The following CLVS1 variants were observed in gnomAD, a reference collection of about 807,000 sequenced individuals.
CLVS1 encodes the protein clavesin-1.
In CLVS1, 10 loss-of-function variants were observed where a neutral mutation model predicts 33.1. The ratio of observed to expected loss-of-function variants is 0.30; its 90% CI spans 0.19 to 0.51. The LOEUF is 0.51. Ranked by LOEUF, CLVS1 falls within the 20% of genes least tolerant of loss-of-function variation. The probability of loss-of-function intolerance (pLI) is 0.97; values close to 1 mark genes in which losing one functional copy is unlikely to be tolerated. For synonymous variants in CLVS1, 163 were observed against 166.1 expected (o/e 0.98, Z 0.14); for missense variants, 343 against 433.4 (o/e 0.79, Z 1.85).
chr8:61,039,066 A>T, the CLVS1 span, among the ~76,000 whole-genome samples: 1 of 151,904 alleles, frequency 6.6e-6, no homozygotes, highest in African/African-American at 2.4e-5. Flanking sequence ...CATAATGCTA[A>T]CTCAGTGCCG....
chr8:61,448,603 C>T lies in CLVS1; in HGVS notation c.631-5538C>T, dbSNP rs566094412. Reference sequence around the variant, plus strand: ...TTGAAATTTCCAGATGAGCCAGGCACAGTGGCTCATGCCTGTAATCCCAGG... The same window carrying T: ...TTGAAATTTCCAGATGAGCCAGGCATAGTGGCTCATGCCTGTAATCCCAGG... On this transcript the variant is annotated intron_variant, in intron 3 of 5. Coordinates refer to ENST00000325897, the MANE Select transcript of CLVS1 (RefSeq NM_173519.3). Among the ~76,000 whole-genome samples the T allele has an allele frequency of 7.0e-4, 106 of 151,796 alleles. 1 individual carries two copies. In the South Asian group the frequency reaches 0.011, roughly 16 times the overall value.
intron 2 of CLVS1, among the ~76,000 whole-genome samples, chr8:61,282,313 G>A (rs1042574243): frequency 1.3e-5 from 2 of 152,204 alleles, no homozygotes; most frequent in Non-Finnish European, 2.9e-5. Context: ...GAGGGATCAT[G>A]AGGTAGAGGG....
At chr8:61,082,978 C>A (rs1209360651) in intron 1 of CLVS1, among the ~76,000 whole-genome samples, 1 of 84,816 alleles carries the variant, frequency 1.2e-5, no homozygotes, top group East Asian at 3.4e-4. Flanking sequence ...GAGAAAGACC[C>A]TGTCTTAAAC....
At chr8:61,074,410 T>C (rs948816566) in intron 1 of CLVS1, among the ~76,000 whole-genome samples, 1 of 144,558 alleles carries the variant, frequency 6.9e-6, no homozygotes, top group Admixed American at 7.0e-5. Context: ...TATATATATA[T>C]AAGTATATGT....
At chr8:61,439,013 G>A (rs1009422598) in intron 3 of CLVS1, among the ~76,000 whole-genome samples, 6 of 152,078 alleles carry the variant, frequency 3.9e-5, no homozygotes, top group Non-Finnish European at 8.8e-5. Flanking sequence ...TGCAAACTTC[G>A]TTACACACTA....
chr8:61,187,144 A>G (rs535826967), intron 2 of CLVS1, among the ~76,000 whole-genome samples: 1 of 151,032 alleles, frequency 6.6e-6, no homozygotes, highest in South Asian at 2.1e-4. Flanking sequence ...TTTTTTTTCC[A>G]CAGAAAAGAC....
At chr8:61,332,434 A>G (rs952778642) in intron 2 of CLVS1, among the ~76,000 whole-genome samples, 7 of 152,120 alleles carry the variant, frequency 4.6e-5, no homozygotes, top group East Asian at 1.9e-4. Context: ...TTGTGGTGCA[A>G]ATTGACTTGC....
At chr8:61,127,408 G>A (rs1436940638) in intron 1 of CLVS1, among the ~76,000 whole-genome samples, 3 of 152,052 alleles carry the variant, frequency 2.0e-5, no homozygotes, top group South Asian at 4.2e-4. Flanking sequence ...TAGTAGAGAC[G>A]AGGTTTCACC....
chr8:61,119,741 C>T (rs1169188772), intron 1 of CLVS1, among the ~76,000 whole-genome samples: 6 of 106,990 alleles, frequency 5.6e-5, no homozygotes, highest in South Asian at 4.2e-4. Flanking sequence ...CTGAGAGATC[C>T]GCTGTTAGTC....
rs996978981 is a variant in CLVS1 at position 61,092,402 on chromosome 8, G to A, written c.-243+35172G>A. On this transcript the variant is annotated intron_variant, in intron 1 of 2. Coordinates refer to the CLVS1 transcript ENST00000522621. The stretch of plus-strand genomic sequence containing the variant: ...GAAGCCTCATAGGAAGAGGTGGAGC[G>A]TTCATCATCTCCCGCTGCTGTAAAG... 3.9e-5 allele frequency among the ~76,000 whole-genome samples: 6 copies of A among 152,130 alleles called. No homozygotes were observed. In the South Asian group the frequency reaches 8.3e-4, roughly 21 times the overall value.
At chr8:61,296,169 A>G (rs1023487622) in intron 1 of CLVS1, among the ~76,000 whole-genome samples, 8 of 152,174 alleles carry the variant, frequency 5.3e-5, no homozygotes, top group African/African-American at 1.9e-4. Flanking sequence ...GACTTCTGGT[A>G]TGAAGAATTT....
At chr8:61,383,512 T>A (rs73682283) in intron 3 of CLVS1, among the ~76,000 whole-genome samples, 2 of 152,234 alleles carry the variant, frequency 1.3e-5, no homozygotes, top group Non-Finnish European at 2.9e-5. Context: ...ACTCTGGTGA[T>A]GCTTGAAGGA....
chr8:61,193,253 A>C (rs1807531469), intron 2 of CLVS1, among the ~76,000 whole-genome samples: 2 of 152,206 alleles, frequency 1.3e-5, no homozygotes, highest in Admixed American at 6.5e-5. Flanking sequence ...CATCATTCTC[A>C]GCAAACTGTC....
chr8:61,071,571 A>G (rs1310850558), intron 1 of CLVS1, among the ~76,000 whole-genome samples: 1 of 152,188 alleles, frequency 6.6e-6, no homozygotes, highest in African/African-American at 2.4e-5. Flanking sequence ...GAATTTAATC[A>G]CATCTGCAGA....
intron 2 of CLVS1, among the ~76,000 whole-genome samples, chr8:61,359,752 A>G (rs1181624111): frequency 2.0e-5 from 3 of 152,222 alleles, no homozygotes; most frequent in South Asian, 4.1e-4. Context: ...TGAAGAAGTT[A>G]TATAATTTGT....
chr8:61,266,508 C>T (rs964828716), intron 2 of CLVS1, among the ~76,000 whole-genome samples: 2 of 152,134 alleles, frequency 1.3e-5, no homozygotes, highest in Non-Finnish European at 2.9e-5. Flanking sequence ...ATTCTTGGAC[C>T]TATCATCCAA....
At chr8:60,972,395 AC>A in the CLVS1 span, among the ~76,000 whole-genome samples, 3 of 152,182 alleles carry the variant, frequency 2.0e-5, no homozygotes, top group African/African-American at 7.2e-5. Flanking sequence ...CCCTCTTCAA[AC>A]TAAACTTAAA....
At chr8:61,178,487 A>G (rs13261707) in intron 2 of CLVS1, among the ~76,000 whole-genome samples, 67,969 of 151,992 alleles carry the variant, frequency 0.45, 16,973 homozygotes, top group Middle Eastern at 0.66. Flanking sequence ...AATTCAGGAA[A>G]TACAGAGAAC....
chr8:61,287,626 A>G (rs1435739468), upstream of CLVS1, among the ~76,000 whole-genome samples: 1 of 152,144 alleles, frequency 6.6e-6, no homozygotes, highest in African/African-American at 2.4e-5. Context: ...ATTTTGGTGA[A>G]AAGACTTTGA....
Sources: gnomAD v4.1 joint callset for allele counts (sites outside exome capture counted in the v4.1 genomes callset) on GRCh38, gnomAD v4.1.1 for gene constraint, MANE v1.5 for transcripts, NCBI Gene and HGNC (gene_info 2026-07-23, HGNC 2026-07-21) for gene names.